Variants in ARL15 observed in about 807,000 individuals in gnomAD.
ARL15 encodes the protein ARF like GTPase 15.
ARL15 carries 19 observed loss-of-function variants against 25.2 expected under a neutral mutation model. That is an observed-to-expected ratio of 0.75 (90% CI 0.53 to 1.10). The LOEUF (loss-of-function observed/expected upper bound fraction) is 1.10, where lower values mean the gene tolerates loss of function less well. Ranked by LOEUF, ARL15 falls within the 50% of genes least tolerant of loss-of-function variation. The pLI, the probability that ARL15 is intolerant of heterozygous loss-of-function variation, is 0.00. For synonymous variants in ARL15, 94 were observed against 86.8 expected (o/e 1.08, Z -0.46); for missense variants, 220 against 246.0 (o/e 0.89, Z 0.71).
intron 1 of ARL15, among the ~76,000 whole-genome samples, chr5:54,179,855 T>C (rs1755002656): frequency 1.3e-5 from 2 of 151,734 alleles, no homozygotes; most frequent in African/African-American, 4.8e-5. Flanking sequence ...CCGTCTCTAC[T>C]AAAAATACAA....
chr5:54,014,525 CT>C (rs35687303), intron 4 of ARL15, among the ~76,000 whole-genome samples: 101,955 of 146,752 alleles, frequency 0.69, 35,289 homozygotes, highest in East Asian at 0.85. Flanking sequence ...AGTCCCCATT[CT>C]TTTTTTTTTT....
rs965775791 is a variant in ARL15 at position 54,276,709 on chromosome 5, G to A, written c.48+33723C>T. The stretch of plus-strand genomic sequence containing the variant: ...ATCATGAGATGGGGAGATTCTTCTG[G>A]ATTATTCATGTAGGCCCAACTTCAT... On this transcript the variant is annotated intron_variant, in intron 1 of 4. Transcript: ENST00000504924. 2.0e-5 allele frequency among the ~76,000 whole-genome samples: 3 copies of A among 152,258 alleles called. No homozygotes were observed. In the East Asian group the frequency reaches 5.8e-4, roughly 29 times the overall value.
intron 1 of ARL15, among the ~76,000 whole-genome samples, chr5:54,262,698 C>T (rs1193562704): frequency 1.3e-5 from 2 of 152,072 alleles, no homozygotes; most frequent in African/African-American, 4.8e-5. Context: ...CCTTCTTGTA[C>T]TCCTCATATG....
At chr5:54,243,515 T>C (rs1034209055) in intron 1 of ARL15, among the ~76,000 whole-genome samples, 26 of 152,206 alleles carry the variant, frequency 1.7e-4, no homozygotes, top group Non-Finnish European at 2.9e-4. Context: ...GTAGTACAGA[T>C]AGAAACACAT....
At chr5:53,890,890 T>C (rs1744686268) in intron 4 of ARL15, among the ~76,000 whole-genome samples, 1 of 152,184 alleles carries the variant, frequency 6.6e-6, no homozygotes, top group African/African-American at 2.4e-5. Flanking sequence ...GACCCACTCA[T>C]TGGGTAGGAG....
Position 54,154,609 on chromosome 5 carries a change from T to A in ARL15, c.224A>T (p.Asn75Ile). The A allele has an allele frequency of 6.5e-7, 1 of 1,530,156 alleles. No individual in the cohort carries two copies. Among genetic ancestry groups the A allele is most frequent in the Non-Finnish European group, 8.8e-7 (1 of 1,139,924 alleles). 94.8% of individuals were successfully genotyped at this position (1,530,156 alleles called of 1,614,324 possible). A position where few individuals can be genotyped will look rare whatever the true frequency, so the allele number is the denominator to read the frequency against. The change falls in exon 3 of 5, where the codon AAT becomes ATT. Residue 75 changes from asparagine to isoleucine, a missense_variant. Asn to Ile is a moderately radical substitution (Grantham distance 149). Coordinates refer to ENST00000504924, the MANE Select transcript of ARL15 (RefSeq NM_019087.3). The part of the protein sequence containing the change: ...GFSIKAVPFQ[N>I]AILNVKELGG... The stretch of plus-strand genomic sequence containing the variant: ...AAGTTCTTTTACATTCAAGATGGCA[T>A]TCTGGAATGGCACTGCTTTAATACT...
At chr5:54,094,854 C>CTA (rs1388812247) in intron 4 of ARL15, among the ~76,000 whole-genome samples, 3 of 152,096 alleles carry the variant, frequency 2.0e-5, no homozygotes, top group Non-Finnish European at 4.4e-5. Context: ...TTCTAGGCAC[C>CTA]TATATATACA....
intron 1 of ARL15, among the ~76,000 whole-genome samples, chr5:54,195,582 G>T (rs940743797): frequency 2.6e-5 from 4 of 151,988 alleles, no homozygotes; most frequent in African/African-American, 7.2e-5. Flanking sequence ...TTTTTCTCAT[G>T]TCTAAAGTAA....
At chr5:53,945,840 G>A (rs1746708261) in intron 4 of ARL15, among the ~76,000 whole-genome samples, 1 of 152,172 alleles carries the variant, frequency 6.6e-6, no homozygotes, top group South Asian at 2.1e-4. Flanking sequence ...TTAGAGCTGG[G>A]AAGGACCTTG....
intron 2 of ARL15, among the ~76,000 whole-genome samples, chr5:54,167,225 G>T (rs1021127331): frequency 7.2e-5 from 11 of 152,092 alleles, no homozygotes; most frequent in Non-Finnish European, 1.5e-5. Flanking sequence ...TATTTTGCTG[G>T]ATACTCAAGG....
intron 1 of ARL15, among the ~76,000 whole-genome samples, chr5:54,236,103 T>C (rs930716815): frequency 2.6e-5 from 4 of 152,190 alleles, no homozygotes; most frequent in African/African-American, 7.2e-5. Flanking sequence ...CTGATTCCTC[T>C]GATGATAATG....
At chr5:54,016,999 G>A (rs973055229) in intron 4 of ARL15, among the ~76,000 whole-genome samples, 6 of 152,332 alleles carry the variant, frequency 3.9e-5, no homozygotes, top group African/African-American at 1.4e-4. Flanking sequence ...CAAAGAAAGT[G>A]AATTTGCCAA....
chr5:54,180,815 T>C (rs1755033950), intron 1 of ARL15, among the ~76,000 whole-genome samples: 1 of 152,190 alleles, frequency 6.6e-6, no homozygotes, highest in Non-Finnish European at 1.5e-5. Flanking sequence ...CTGTCCCTAT[T>C]AACTCGTGGC....
chr5:53,965,693 A>C (rs773872619), intron 4 of ARL15, among the ~76,000 whole-genome samples: 10 of 149,928 alleles, frequency 6.7e-5, no homozygotes, highest in South Asian at 6.3e-4. Context: ...GCTATTACTC[A>C]TGCTGCTGCC....
intron 4 of ARL15, among the ~76,000 whole-genome samples, chr5:53,907,488 A>ACATATATATTT (rs1745303676): frequency 5.6e-5 from 1 of 18,016 alleles, no homozygotes; most frequent in African/African-American, 2.9e-4. Context: ...ATATATATAT[A>ACATATATATTT]TTTTTTTTTT....
intron 2 of ARL15, among the ~76,000 whole-genome samples, chr5:54,159,515 T>C (rs1221222466): frequency 6.6e-6 from 1 of 152,148 alleles, no homozygotes; most frequent in Non-Finnish European, 1.5e-5. Context: ...TCCTCTAAAA[T>C]TAGCATTCCA....
At chr5:54,191,489 TAAAAA>T (rs35882974) in intron 1 of ARL15, among the ~76,000 whole-genome samples, 1 of 151,646 alleles carries the variant, frequency 6.6e-6, no homozygotes, top group African/African-American at 2.4e-5. Flanking sequence ...TTTACAAAAA[TAAAAA>T]AAAATTTTGA....
In ARL15 at chr5:53,910,861, A is replaced by G. The variant is rs538276598; in HGVS notation, c.463-24148T>C. ...GAAAAGTGATTCGACCAATTGGAGTAGGGTTGAGCATTATTATAGTTGCCT... is the reference window on the plus strand; with the variant it reads ...GAAAAGTGATTCGACCAATTGGAGTGGGGTTGAGCATTATTATAGTTGCCT... On this transcript the variant is annotated intron_variant, in intron 4 of 4. Coordinates refer to ENST00000504924, the MANE Select transcript of ARL15 (RefSeq NM_019087.3). Among the ~76,000 whole-genome samples the G allele has an allele frequency of 2.6e-5, 4 of 151,896 alleles. No individual in the cohort carries two copies. The South Asian group carries it at 8.3e-4, about 32-fold the overall frequency.
intron 4 of ARL15, among the ~76,000 whole-genome samples, chr5:53,941,982 AT>A (rs1746553821): frequency 6.6e-6 from 1 of 152,304 alleles, no homozygotes; most frequent in East Asian, 1.9e-4. Flanking sequence ...TGATTTATCT[AT>A]TTAAAAAATC....
Sources: gnomAD v4.1 joint callset for allele counts (sites outside exome capture counted in the v4.1 genomes callset) on GRCh38, gnomAD v4.1.1 for gene constraint, MANE v1.5 for transcripts, NCBI Gene and HGNC (gene_info 2026-07-23, HGNC 2026-07-21) for gene names.